The following LOC128092253 variants were observed in gnomAD, a reference collection of about 807,000 sequenced individuals.
At chr6:133,961,177 C>T in the LOC128092253 span, among the ~76,000 whole-genome samples, 1 of 152,148 alleles carries the variant, frequency 6.6e-6, no homozygotes, top group African/African-American at 2.4e-5. Context: ...CTTACCTGCC[C>T]CCAACCCCAC....
At chr6:133,962,633 T>C in the LOC128092253 span, among the ~76,000 whole-genome samples, 3 of 152,218 alleles carry the variant, frequency 2.0e-5, no homozygotes, top group African/African-American at 7.2e-5. Flanking sequence ...TGGATTCAGA[T>C]ATCTGATAGG....
chr6:133,967,841 T>A, the LOC128092253 span, among the ~76,000 whole-genome samples: 1 of 152,158 alleles, frequency 6.6e-6, no homozygotes, highest in Non-Finnish European at 1.5e-5. Flanking sequence ...TATCTCAGGT[T>A]GTCCAAGATT....
chr6:133,954,839 C>T, the LOC128092253 span, among the ~76,000 whole-genome samples: 4 of 152,090 alleles, frequency 2.6e-5, no homozygotes, highest in Non-Finnish European at 5.9e-5. Flanking sequence ...CTCTAGTGAC[C>T]TATTACTATG....
At chr6:133,964,593 G>A in the LOC128092253 span, among the ~76,000 whole-genome samples, 2 of 151,260 alleles carry the variant, frequency 1.3e-5, no homozygotes, top group Non-Finnish European at 3.0e-5. Context: ...GGGACTACAG[G>A]TGCCTGCCAC....
chr6:133,974,565 G>C, the LOC128092253 span, among the ~76,000 whole-genome samples: 1 of 152,200 alleles, frequency 6.6e-6, no homozygotes, highest in Non-Finnish European at 1.5e-5. Flanking sequence ...CTGACCTCGT[G>C]ATCCACTCAC....
the LOC128092253 span, among the ~76,000 whole-genome samples, chr6:133,970,583 G>T: frequency 4.0e-5 from 6 of 151,234 alleles, no homozygotes; most frequent in African/African-American, 1.5e-4. Flanking sequence ...TCATATATCT[G>T]TCACCAAGGT....
the LOC128092253 span, among the ~76,000 whole-genome samples, chr6:133,962,561 T>G: frequency 6.6e-6 from 1 of 152,202 alleles, no homozygotes; most frequent in Non-Finnish European, 1.5e-5. Context: ...CTTGAGGTGC[T>G]TAATGAGTTT....
chr6:133,957,961 T>C, the LOC128092253 span, among the ~76,000 whole-genome samples: 1 of 152,372 alleles, frequency 6.6e-6, no homozygotes, highest in African/African-American at 2.4e-5. Flanking sequence ...TACTAGAGCA[T>C]TGAAATTCTT....
the LOC128092253 span, among the ~76,000 whole-genome samples, chr6:133,977,180 G>A: frequency 6.6e-6 from 1 of 151,900 alleles, no homozygotes; most frequent in Non-Finnish European, 1.5e-5. Context: ...CTTTTATGTA[G>A]GTTGCCTCTT....
the LOC128092253 span, among the ~76,000 whole-genome samples, chr6:133,957,208 G>A: frequency 6.6e-6 from 1 of 152,324 alleles, no homozygotes; most frequent in South Asian, 2.1e-4. Flanking sequence ...GGGTAGTGGA[G>A]ATGTGCCTTT....
the LOC128092253 span, among the ~76,000 whole-genome samples, chr6:133,973,927 A>C: frequency 2.0e-5 from 3 of 151,940 alleles, no homozygotes; most frequent in Admixed American, 6.6e-5. Context: ...TCAGAATGGG[A>C]ACAACTATTT....
the LOC128092253 span, among the ~76,000 whole-genome samples, chr6:133,953,822 C>T: frequency 6.6e-6 from 1 of 152,100 alleles, no homozygotes; most frequent in African/African-American, 2.4e-5. Flanking sequence ...GAAGAGGGAC[C>T]GTGCAAAGAT....
the LOC128092253 span, among the ~76,000 whole-genome samples, chr6:133,956,369 G>A: frequency 6.6e-6 from 1 of 152,126 alleles, no homozygotes; most frequent in Admixed American, 6.5e-5. Flanking sequence ...GGATGAGAGA[G>A]GTATTTCCCT....
At chr6:133,978,723 G>A in the LOC128092253 span, among the ~76,000 whole-genome samples, 4 of 152,172 alleles carry the variant, frequency 2.6e-5, no homozygotes, top group Non-Finnish European at 4.4e-5. Context: ...TCTTATAGAG[G>A]TGTCAGAAGT....
At chr6:133,979,819 G>A in the LOC128092253 span, among the ~76,000 whole-genome samples, 1 of 151,856 alleles carries the variant, frequency 6.6e-6, no homozygotes, top group Non-Finnish European at 1.5e-5. Context: ...GCTAATTTTT[G>A]TATTTTTAGT....
chr6:133,971,641 TGG>T, the LOC128092253 span, among the ~76,000 whole-genome samples: 1 of 152,118 alleles, frequency 6.6e-6, no homozygotes, highest in African/African-American at 2.4e-5. Context: ...TGGAGTGAGG[TGG>T]TATCTCATTG....
the LOC128092253 span, among the ~76,000 whole-genome samples, chr6:133,976,571 C>T: frequency 6.6e-6 from 1 of 152,120 alleles, no homozygotes; most frequent in Admixed American, 6.5e-5. Context: ...TCTGTGTTTT[C>T]AAGAATAACC....
chr6:133,969,737 T>A, the LOC128092253 span, among the ~76,000 whole-genome samples: 1 of 152,068 alleles, frequency 6.6e-6, no homozygotes, highest in Non-Finnish European at 1.5e-5. Flanking sequence ...AAGTTCAAGG[T>A]TTTCAACTGT....
chr6:133,972,847 T>G, the LOC128092253 span, among the ~76,000 whole-genome samples: 4 of 152,204 alleles, frequency 2.6e-5, no homozygotes, highest in Admixed American at 6.5e-5. Flanking sequence ...ATACTTGGCA[T>G]GGATAATAAT....
Sources: allele counts gnomAD v4.1 joint callset (sites outside exome capture counted in the v4.1 genomes callset), GRCh38; gene constraint gnomAD v4.1.1; transcripts MANE v1.5.